CACNA1E: variants seen among roughly 807,000 people sequenced by gnomAD.
CACNA1E encodes the protein voltage-dependent R-type calcium channel subunit alpha-1E.
A neutral mutation model predicts 259.2 loss-of-function variants in CACNA1E; 40 were observed. The observed-to-expected ratio is 0.15, with a 90% CI of 0.12 to 0.20. The LOEUF (loss-of-function observed/expected upper bound fraction) is 0.20. Ranked by LOEUF, CACNA1E falls within the 10% of genes least tolerant of loss-of-function variation. CACNA1E has a pLI of 1.00. For synonymous variants in CACNA1E, 1,104 were observed against 1,138.5 expected, an observed-to-expected ratio of 0.97 and a Z score of 0.61; for missense variants, 1,874 against 3,040.1, an observed-to-expected ratio of 0.62 and a Z score of 9.02.
rs532084169 is a variant in CACNA1E at position 181,432,666 on chromosome 1, T to C, written c.434+19086T>C. On this transcript the variant is annotated intron_variant, in intron 2 of 11. Transcript: ENST00000524607. ...TGGGTGAGGAGGCAACAGGATTGGATAGGGTGGTGGGAAGTCTGAGTTTTG... is the reference window on the plus strand; with the variant it reads ...TGGGTGAGGAGGCAACAGGATTGGACAGGGTGGTGGGAAGTCTGAGTTTTG... 2.6e-5 allele frequency among the ~76,000 whole-genome samples: 4 copies of C among 152,228 alleles called. No homozygotes were observed. The South Asian group carries it at 8.3e-4, about 32-fold the overall frequency.
intron 3 of CACNA1E, among the ~76,000 whole-genome samples, chr1:181,563,365 T>C (rs1572219806): frequency 2.0e-5 from 3 of 152,314 alleles, no homozygotes; most frequent in Admixed American, 2.0e-4. Context: ...CTGAAAGAGT[T>C]ATTTGAGAAG....
intron 3 of CACNA1E, among the ~76,000 whole-genome samples, chr1:181,571,482 C>T (rs560497000): frequency 3.3e-5 from 5 of 152,228 alleles, no homozygotes; most frequent in African/African-American, 1.2e-4. Context: ...AGGGACATGA[C>T]AGGTAAAGTG....
intron 1 of CACNA1E, among the ~76,000 whole-genome samples, chr1:181,344,508 G>T (rs1179835287): frequency 6.6e-6 from 1 of 152,188 alleles, no homozygotes; most frequent in Non-Finnish European, 1.5e-5. Flanking sequence ...CAAGGAGGAG[G>T]CAAGGAAAGA....
intron 1 of CACNA1E, among the ~76,000 whole-genome samples, chr1:181,406,398 C>CA (rs1553244898): frequency 6.6e-6 from 1 of 151,726 alleles, no homozygotes; most frequent in Non-Finnish European, 1.5e-5. Context: ...ATCTACCTTT[C>CA]TTTTTTTTCT....
chr1:181,527,557 A>G (rs1253733954), intron 3 of CACNA1E, among the ~76,000 whole-genome samples: 2 of 152,264 alleles, frequency 1.3e-5, no homozygotes, highest in East Asian at 3.8e-4. Context: ...ATAATATTAA[A>G]GTAGGGCTAT....
At chr1:181,770,661 T>C (rs1659424320) in intron 35 of CACNA1E, among the ~76,000 whole-genome samples, 1 of 152,214 alleles carries the variant, frequency 6.6e-6, no homozygotes, top group Non-Finnish European at 1.5e-5. Flanking sequence ...ATGATACATG[T>C]GGACATATAT....
intron 3 of CACNA1E, among the ~76,000 whole-genome samples, chr1:181,518,506 G>A (rs537125508): frequency 3.9e-5 from 6 of 152,264 alleles, no homozygotes; most frequent in South Asian, 2.1e-4. Context: ...ATAGGATTTC[G>A]ATTCCAGGGA....
Position 181,526,138 on chromosome 1 carries a change from T to C in CACNA1E, c.512+14628T>C, listed in dbSNP as rs191861319. On this transcript the variant is annotated intron_variant, in intron 3 of 47. Coordinates refer to ENST00000367573, the MANE Select transcript of CACNA1E (RefSeq NM_001205293.3). ...TATTCAGGACTGTGGACCTAATTAA[T>C]AGCTGGTGTTCAGTGCTAATCACTG... 2.7e-4 allele frequency among the ~76,000 whole-genome samples: 41 copies of C among 152,290 alleles called. No individual in the cohort carries two copies. In the East Asian group the frequency reaches 7.1e-3, roughly 26 times the overall value.
intron 2 of CACNA1E, among the ~76,000 whole-genome samples, chr1:181,418,669 A>G (rs1376874681): frequency 6.6e-6 from 1 of 151,882 alleles, no homozygotes; most frequent in Non-Finnish European, 1.5e-5. Flanking sequence ...CTTTCATTAA[A>G]CCTACATTTT....
intron 2 of CACNA1E, among the ~76,000 whole-genome samples, chr1:181,444,909 C>A (rs1418146917): frequency 2.6e-5 from 4 of 152,090 alleles, no homozygotes. Flanking sequence ...CCATTTTTCC[C>A]AGCTGTGGTT....
chr1:181,573,025 T>C (rs1650573477), intron 3 of CACNA1E, among the ~76,000 whole-genome samples: 2 of 152,294 alleles, frequency 1.3e-5, no homozygotes, highest in South Asian at 4.1e-4. Context: ...TTACACAGCG[T>C]AATGGCAGGG....
chr1:181,723,123 G>A (rs1256343213), intron 16 of CACNA1E, among the ~76,000 whole-genome samples: 1 of 152,182 alleles, frequency 6.6e-6, no homozygotes, highest in East Asian at 1.9e-4. Flanking sequence ...TAAATGAAAT[G>A]TGGAACCCTT....
At chr1:181,474,982 C>A (rs1292954261) in intron 2 of CACNA1E, among the ~76,000 whole-genome samples, 1 of 152,158 alleles carries the variant, frequency 6.6e-6, no homozygotes. Context: ...CTGTTTATAT[C>A]ATCTGGGTTG....
chr1:181,770,225 G>T (rs557429080), intron 35 of CACNA1E, among the ~76,000 whole-genome samples: 1 of 152,202 alleles, frequency 6.6e-6, no homozygotes, highest in East Asian at 1.9e-4. Context: ...TGTCTCAAAT[G>T]ACTGGAAAAG....
intron 3 of CACNA1E, among the ~76,000 whole-genome samples, chr1:181,525,406 T>G (rs941326798): frequency 2.0e-5 from 3 of 152,256 alleles, no homozygotes; most frequent in Non-Finnish European, 4.4e-5. Context: ...TGATCAAGCT[T>G]TGAAGATAAG....
chr1:181,717,930 T>G, intron 11 of CACNA1E, 125 bp from the exon 12 acceptor site: 1 of 616,678 alleles, frequency 1.6e-6, no homozygotes, highest in Non-Finnish European at 2.9e-6. Context: ...AGCCCTGGCC[T>G]GATGTGGCCA....
chr1:181,625,611 T>A (rs1656128217), intron 6 of CACNA1E, among the ~76,000 whole-genome samples: 2 of 152,196 alleles, frequency 1.3e-5, no homozygotes, highest in Admixed American at 6.5e-5. Flanking sequence ...TTGAGGAGAC[T>A]TAGGTTCTTG....
At chr1:181,523,333 C>A (rs1667125664) in intron 3 of CACNA1E, among the ~76,000 whole-genome samples, 1 of 152,176 alleles carries the variant, frequency 6.6e-6, no homozygotes, top group South Asian at 2.1e-4. Flanking sequence ...TAAAGTTTCC[C>A]TCAAATATGT....
intron 1 of CACNA1E, among the ~76,000 whole-genome samples, chr1:181,370,414 A>G (rs1220734021): frequency 6.7e-6 from 1 of 149,962 alleles, no homozygotes; most frequent in Non-Finnish European, 1.5e-5. Flanking sequence ...ACCTGATTCA[A>G]GCCTTACCCT....
Sources: allele counts gnomAD v4.1 joint callset (sites outside exome capture counted in the v4.1 genomes callset), GRCh38; gene constraint gnomAD v4.1.1; transcripts MANE v1.5; gene names NCBI Gene and HGNC (gene_info 2026-07-23, HGNC 2026-07-21).